Variants in NAMPT observed in about 807,000 individuals in gnomAD.
NAMPT encodes the protein nicotinamide phosphoribosyltransferase.
Under a neutral mutation model 58.7 loss-of-function variants are expected in NAMPT, and 7 were observed. The ratio of observed to expected loss-of-function variants is 0.12; its 90% CI spans 0.07 to 0.22. NAMPT has a LOEUF of 0.22. Ranked by LOEUF, NAMPT falls within the 10% of genes least tolerant of loss-of-function variation. The pLI is 1.00. For synonymous variants in NAMPT, 145 were observed against 198.1 expected, an observed-to-expected ratio of 0.73 and a Z score of 2.25; for missense variants, 271 against 567.9, an observed-to-expected ratio of 0.48 and a Z score of 5.31.
chr7:106,276,871 G>C, intron 2 of NAMPT, 152 bp downstream of exon 2: 1 of 622,810 alleles, frequency 1.6e-6, no homozygotes, highest in East Asian at 2.9e-5. Context: ...TTTTATTTCA[G>C]AAAACTTTTC....
chr7:106,253,334 G>A (rs763239619), intron 9 of NAMPT, 183 bp from the exon 10 acceptor site: 4 of 593,350 alleles, frequency 6.7e-6, no homozygotes, highest in Non-Finnish European at 1.2e-5. Context: ...TTGAAGGATA[G>A]TCGTTTGTAA....
chr7:106,254,080 G>C (rs1270654237), intron 9 of NAMPT, among the ~76,000 whole-genome samples: 1 of 151,882 alleles, frequency 6.6e-6, no homozygotes, highest in Non-Finnish European at 1.5e-5. Context: ...ATTACTTTTT[G>C]ATCTAAAGGT....
intron 6 of NAMPT, among the ~76,000 whole-genome samples, chr7:106,265,974 T>A (rs1040849822): frequency 2.0e-5 from 3 of 152,240 alleles, no homozygotes; most frequent in South Asian, 2.1e-4. Context: ...GTTATTTAGA[T>A]AGTAGCTCAT....
chr7:106,285,593 T>TCCCTCCTGATCCTCCTGA (rs1351387763), upstream of NAMPT: 1 of 985,720 alleles, frequency 1.0e-6, no homozygotes, highest in African/African-American at 1.7e-5. Context: ...ATCCCTCTTG[T>TCCCTCCTGATCCTCCTGA]CCCTCCTGAT....
At chr7:106,267,884 A>G (rs1792456973) in intron 6 of NAMPT, among the ~76,000 whole-genome samples, 2 of 134,062 alleles carry the variant, frequency 1.5e-5, no homozygotes, top group Admixed American at 7.6e-5. Flanking sequence ...AAACAACCTG[A>G]TTTACTTTTA....
intron 6 of NAMPT, 87 bp from the exon 7 acceptor site, chr7:106,263,704 A>G (rs4730153): frequency 0.58 from 563,966 of 967,860 alleles, 172,642 homozygotes; most frequent in East Asian, 0.9. Context: ...CATGTTTACT[A>G]TACCAAACCA....
At chr7:106,266,880 G>A (rs553386849) in intron 6 of NAMPT, among the ~76,000 whole-genome samples, 1 of 152,184 alleles carries the variant, frequency 6.6e-6, no homozygotes, top group African/African-American at 2.4e-5. Context: ...AGAATAGCTA[G>A]CATGATGTGC....
upstream of NAMPT, chr7:106,285,363 G>A (rs1792859117): frequency 4.6e-6 from 2 of 439,168 alleles, no homozygotes; most frequent in Non-Finnish European, 6.1e-6. Flanking sequence ...GGGGCCTGGA[G>A]GGGGCGTTCC....
intron 1 of NAMPT, among the ~76,000 whole-genome samples, chr7:106,284,090 T>C (rs981807765): frequency 6.6e-6 from 1 of 152,212 alleles, no homozygotes; most frequent in Non-Finnish European, 1.5e-5. Context: ...TCCTCGTGTT[T>C]CATTTTCCTT....
chr7:106,254,916 T>C (rs778288280), intron 8 of NAMPT, among the ~76,000 whole-genome samples: 3 of 152,164 alleles, frequency 2.0e-5, no homozygotes, highest in Non-Finnish European at 4.4e-5. Flanking sequence ...ACTGTAATCA[T>C]CACCAATAAG....
chr7:106,272,634 C>T lies in NAMPT; in HGVS notation c.343G>A (p.Glu115Lys), dbSNP rs1792558409. 6.2e-6 allele frequency: 10 copies of T among 1,612,580 alleles called. No homozygotes were observed. Among genetic ancestry groups the T allele is most frequent in the Non-Finnish European group, 7.6e-6 (9 of 1,179,110 alleles). ...LEKYDGHLPI[E>K]IKAVPEGFVI... Reference sequence around the variant, plus strand: ...AAGCCCTCAGGAACAGCTTTTATTTCTATTGGAAGATGCCCATCATACTTC... The same window carrying T: ...AAGCCCTCAGGAACAGCTTTTATTTTTATTGGAAGATGCCCATCATACTTC... Residue 115 changes from glutamate to lysine, a missense_variant, in exon 4 of 11, where the codon GAA becomes AAA. Around this residue, in one of 4 missense-constraint regions of NAMPT, gnomAD observed 103 missense variants for 194.2 expected, o/e 0.53. Coordinates refer to ENST00000222553, the MANE Select transcript of NAMPT (RefSeq NM_005746.3).
intron 4 of NAMPT, among the ~76,000 whole-genome samples, chr7:106,270,576 G>A (rs1476082301): frequency 1.3e-5 from 2 of 152,042 alleles, no homozygotes; most frequent in East Asian, 1.9e-4. Flanking sequence ...CTTATGATTC[G>A]CTTTTGACGA....
At chr7:106,282,473 A>G (rs951398997) in intron 1 of NAMPT, among the ~76,000 whole-genome samples, 1 of 152,222 alleles carries the variant, frequency 6.6e-6, no homozygotes, top group African/African-American at 2.4e-5. Flanking sequence ...TTCATAACTA[A>G]TGGATAATGC....
intron 10 of NAMPT, 133 bp downstream of exon 10, chr7:106,252,884 G>T: frequency 1.8e-6 from 2 of 1,122,606 alleles, no homozygotes; most frequent in Non-Finnish European, 2.5e-6. Flanking sequence ...GGCCAGGTCA[G>T]CAATTGGACA....
chr7:106,284,942 G>C lies in NAMPT; in HGVS notation c.-58C>G. 1 of 1,553,376 alleles carries C rather than the reference G, an allele frequency of 6.4e-7. No homozygotes were observed. The highest frequency in any genetic ancestry group is 1.4e-5 in the African/African-American group (1 of 73,474). On this transcript the variant is annotated 5_prime_UTR_variant, in exon 1 of 11. Coordinates refer to ENST00000222553, the MANE Select transcript of NAMPT (RefSeq NM_005746.3). ...AGCTCCCTGGCGCGGCTGCGAGGAA[G>C]GAGAAAAATGAGCTTCACCGCGCTC... is the stretch of plus-strand genomic sequence containing the variant.
At chr7:106,252,881 T>A (rs1248314758) in intron 10 of NAMPT, 136 bp downstream of exon 10, 2 of 1,086,836 alleles carry the variant, frequency 1.8e-6, no homozygotes, top group East Asian at 5.3e-5. Flanking sequence ...GTAGGCCAGG[T>A]CAGCAATTGG....
At chr7:106,257,052 C>T (rs1362485064) in intron 8 of NAMPT, among the ~76,000 whole-genome samples, 3 of 151,454 alleles carry the variant, frequency 2.0e-5, no homozygotes, top group Non-Finnish European at 2.9e-5. Flanking sequence ...GGCACACGCC[C>T]GTAATCCCAG....
At chr7:106,281,380 T>C (rs1792761181) in intron 1 of NAMPT, among the ~76,000 whole-genome samples, 2 of 152,210 alleles carry the variant, frequency 1.3e-5, no homozygotes, top group Non-Finnish European at 2.9e-5. Flanking sequence ...TGGGATCACA[T>C]GACCAAATGC....
At chr7:106,276,823 C>T (rs1270099006) in intron 2 of NAMPT, 200 bp downstream of exon 2, 2 of 464,876 alleles carry the variant, frequency 4.3e-6, no homozygotes, top group African/African-American at 4.3e-5. Context: ...GCCTGGCCAA[C>T]AAGAGCGAAA....
Sources: allele counts gnomAD v4.1 joint callset (sites outside exome capture counted in the v4.1 genomes callset), GRCh38; gene constraint gnomAD v4.1.1; regional missense constraint gnomAD v4.1.1; transcripts MANE v1.5; gene names NCBI Gene and HGNC (gene_info 2026-07-23, HGNC 2026-07-21).